Variants in PCNX1 observed in about 807,000 individuals in gnomAD.
PCNX1 encodes the protein pecanex-like protein 1.
Under a neutral mutation model 242.2 loss-of-function variants are expected in PCNX1, and 78 were observed. The ratio of observed to expected loss-of-function variants is 0.32; its 90% confidence interval spans 0.27 to 0.39. The LOEUF (loss-of-function observed/expected upper bound fraction) is 0.39, where lower values mean the gene tolerates loss of function less well. PCNX1 is among the 10% of genes least tolerant of loss of function. PCNX1 has a pLI of 1.00. For missense variants in PCNX1, 2,581 were observed against 2,856.5 expected, an observed-to-expected ratio of 0.90 and a Z score of 2.20; for synonymous variants, 1,024 against 1,032.9, an observed-to-expected ratio of 0.99 and a Z score of 0.17.
At chr14:70,953,496 T>C (rs575198154) in intron 2 of PCNX1, among the ~76,000 whole-genome samples, 1 of 152,016 alleles carries the variant, frequency 6.6e-6, no homozygotes, top group Admixed American at 6.5e-5. Flanking sequence ...TATATATTCA[T>C]GCTATTCCTT....
At chr14:71,075,036 C>T (rs2061681324) in intron 27 of PCNX1, among the ~76,000 whole-genome samples, 1 of 146,312 alleles carries the variant, frequency 6.8e-6, no homozygotes, top group African/African-American at 2.6e-5. Flanking sequence ...ATTCTGTTGC[C>T]CAGGCTGGAC....
At chr14:71,064,069 CATGCCTT>C (rs1181678743) in intron 26 of PCNX1, among the ~76,000 whole-genome samples, 1 of 152,056 alleles carries the variant, frequency 6.6e-6, no homozygotes, top group Admixed American at 6.6e-5. Flanking sequence ...TCAGGTTAAA[CATGCCTT>C]ATTTTCATGA....
At chr14:71,003,778 T>C (rs2059578319) in intron 8 of PCNX1, among the ~76,000 whole-genome samples, 1 of 152,206 alleles carries the variant, frequency 6.6e-6, no homozygotes, top group Non-Finnish European at 1.5e-5. Context: ...TAAATCTCAC[T>C]TATAGTTGCC....
intron 27 of PCNX1, among the ~76,000 whole-genome samples, chr14:71,074,391 C>T (rs1355960949): frequency 2.6e-5 from 4 of 152,170 alleles, no homozygotes; most frequent in African/African-American, 7.2e-5. Context: ...GAAACACCCA[C>T]GGAACTCAGC....
chr14:71,076,136 A>G, intron 27 of PCNX1, 53 bp from the exon 28 acceptor site: 3 of 1,083,200 alleles, frequency 2.8e-6, no homozygotes, highest in South Asian at 2.6e-5. Flanking sequence ...ATCTGAGTTA[A>G]TTGAAATTGT....
intron 10 of PCNX1, 72 bp downstream of exon 10, chr14:71,011,621 G>A (rs956600438): frequency 1.1e-6 from 1 of 893,184 alleles, no homozygotes; most frequent in Non-Finnish European, 1.8e-6. Context: ...TACATAGATA[G>A]CTATAAAAGC....
rs768164643 is a variant in PCNX1 at position 70,968,150 on chromosome 14, A to G, written c.469-48A>G. ...CTTGCTAGTGTGTATTGATAATGAC[A>G]TAGCTAGCATTTTAATTAGTTTTAT... On this transcript the variant is annotated intron_variant, in intron 3 of 35. Transcript: ENST00000304743. 6 of 1,267,774 alleles carry G rather than the reference A, an allele frequency of 4.7e-6. No homozygotes were observed. In the South Asian group the frequency reaches 7.3e-5, roughly 15 times the overall value. 78.5% of individuals were successfully genotyped at this position (1,267,774 alleles called of 1,614,324 possible).
At chr14:71,055,215 A>C (rs1305306199) in intron 24 of PCNX1, among the ~76,000 whole-genome samples, 1 of 151,986 alleles carries the variant, frequency 6.6e-6, no homozygotes, top group Non-Finnish European at 1.5e-5. Flanking sequence ...CATTTTTTTC[A>C]TCCTGGTCAG....
At chr14:71,035,706 G>A (rs1168484486) in intron 18 of PCNX1, among the ~76,000 whole-genome samples, 2 of 150,854 alleles carry the variant, frequency 1.3e-5, no homozygotes, top group African/African-American at 2.4e-5. Context: ...TCAGGAGTTC[G>A]AGATCAGCCT....
intron 30 of PCNX1, among the ~76,000 whole-genome samples, chr14:71,095,033 A>T (rs536940181): frequency 2.0e-5 from 3 of 152,360 alleles, no homozygotes; most frequent in East Asian, 3.9e-4. Context: ...GATCACCACG[A>T]CCCAGAAAGT....
rs557139034 is a variant in PCNX1, at chr14:71,036,888, A to C, written c.3867+731A>C. Among the ~76,000 whole-genome samples, 545 of 152,144 alleles carry C rather than the reference A, an allele frequency of 3.6e-3. 1 individual carries two copies. The highest frequency in any genetic ancestry group is 0.013 in the African/African-American group (528 of 41,502). ...GTAAATTACCTTGGGCAGTATGGCC[A>C]TTTTCACGATATTTATTCTTCCTAC... On this transcript the variant is annotated intron_variant, in intron 19 of 35. Coordinates refer to ENST00000304743, the MANE Select transcript of PCNX1 (RefSeq NM_014982.3).
intron 1 of PCNX1, among the ~76,000 whole-genome samples, chr14:70,944,414 G>A (rs1286958546): frequency 6.7e-6 from 1 of 149,536 alleles, no homozygotes; most frequent in Admixed American, 6.7e-5. Context: ...GGGGCCTGTA[G>A]TCCCTTTGTT....
intron 8 of PCNX1, among the ~76,000 whole-genome samples, chr14:71,003,177 G>C (rs2059560367): frequency 2.1e-5 from 3 of 144,862 alleles, no homozygotes. Flanking sequence ...TCTGCCTCCT[G>C]GGTTCAAGCG....
intron 6 of PCNX1, among the ~76,000 whole-genome samples, chr14:70,988,349 A>G (rs1370091578): frequency 6.6e-6 from 1 of 152,258 alleles, no homozygotes; most frequent in Non-Finnish European, 1.5e-5. Flanking sequence ...TAATAAGTCA[A>G]AAACATTATT....
At chr14:71,050,504 T>C in intron 22 of PCNX1, 148 bp from the exon 23 acceptor site, 2 of 612,016 alleles carry the variant, frequency 3.3e-6, no homozygotes, top group Non-Finnish European at 5.4e-6. Context: ...ATATATCTTT[T>C]CCTGTTATGT....
chr14:70,995,062 G>A (rs1434173894), intron 7 of PCNX1, among the ~76,000 whole-genome samples: 1 of 152,084 alleles, frequency 6.6e-6, no homozygotes, highest in Non-Finnish European at 1.5e-5. Context: ...ACTAATACTT[G>A]TATATAAAGC....
At chr14:71,013,290 G>T in intron 11 of PCNX1, 88 bp downstream of exon 11, 1 of 1,010,592 alleles carries the variant, frequency 9.9e-7, no homozygotes, top group Non-Finnish European at 1.6e-6. Context: ...TTTTTACCTG[G>T]TTATCATGTT....
intron 27 of PCNX1, 42 bp from the exon 28 acceptor site, chr14:71,076,147 A>C (rs752779592): frequency 2.5e-6 from 3 of 1,182,168 alleles, no homozygotes; most frequent in Non-Finnish European, 3.8e-6. Flanking sequence ...TTGAAATTGT[A>C]ATTTAATCTG....
At chr14:71,079,854 G>C (rs2332508) in intron 28 of PCNX1, among the ~76,000 whole-genome samples, 55,631 of 151,914 alleles carry the variant, frequency 0.37, 10,450 homozygotes, top group East Asian at 0.62. Flanking sequence ...TTCTTTTGCT[G>C]TACAGAAGCT....
Sources: allele counts gnomAD v4.1 joint callset (sites outside exome capture counted in the v4.1 genomes callset), GRCh38; gene constraint gnomAD v4.1.1; transcripts MANE v1.5; gene names NCBI Gene and HGNC (gene_info 2026-07-23, HGNC 2026-07-21).